SLC11A2: variants seen among roughly 807,000 people sequenced by gnomAD.
SLC11A2 encodes the protein natural resistance-associated macrophage protein 2.
Under a neutral mutation model 68.0 loss-of-function variants are expected in SLC11A2, and 38 were observed. The ratio of observed to expected loss-of-function variants is 0.56; its 90% CI spans 0.43 to 0.73. SLC11A2 has a LOEUF of 0.73. SLC11A2 is among the 30% of genes least tolerant of loss of function. The pLI, the probability that SLC11A2 is intolerant of heterozygous loss-of-function variation, is 0.00. For synonymous variants in SLC11A2, 242 were observed against 250.6 expected, an observed-to-expected ratio of 0.97 and a Z score of 0.32; for missense variants, 517 against 690.5, an observed-to-expected ratio of 0.75 and a Z score of 2.82.
chr12:50,980,895 T>G (rs1939984913), downstream of SLC11A2: 1 of 152,226 alleles, frequency 6.6e-6, no homozygotes, highest in East Asian at 1.9e-4. Flanking sequence ...CCTCTTTTTT[T>G]GCCTAAAACT....
chr12:50,972,604 G>A, the SLC11A2 span, among the ~76,000 whole-genome samples: 1 of 152,202 alleles, frequency 6.6e-6, no homozygotes, highest in Non-Finnish European at 1.5e-5. Context: ...TCCAACTGAG[G>A]TACCGGGTTC....
chr12:51,001,043 T>TA lies in SLC11A2; in HGVS notation c.430-625dup, dbSNP rs1183747010. On this transcript the variant is annotated intron_variant, in intron 5 of 15. Coordinates refer to ENST00000262052, the MANE Select transcript of SLC11A2 (RefSeq NM_000617.3). Reference sequence around the variant, plus strand: ...AGCTGGGCATGGTGGCACATGCCTGTAATCCCAGCTACTCAGGGGGCTGAG... The same window carrying TA: ...AGCTGGGCATGGTGGCACATGCCTGTAAATCCCAGCTACTCAGGGGGCTGAG... Among the ~76,000 whole-genome samples, 8 of 151,672 alleles carry TA rather than the reference T, an allele frequency of 5.3e-5. No homozygotes were observed. In the East Asian group the frequency reaches 1.6e-3, roughly 30 times the overall value.
At position 51,005,324 on chromosome 12, in the gene SLC11A2, A is replaced by G; in HGVS notation, c.296T>C (p.Val99Ala). ...CTAGATGTTCACCTTAAATCCAGCCACTGCTCCAGACTGCAAATCGGATTC... is the reference window on the plus strand; with the variant it reads ...CTAGATGTTCACCTTAAATCCAGCCGCTGCTCCAGACTGCAAATCGGATTC... ...NIESDLQSGA[V>A]AGFKLLWILL... Residue 99 changes from valine (V) to alanine (A), a missense_variant, in exon 4 of 16, where the codon GTG (valine) becomes GCG (alanine). Coordinates refer to ENST00000262052, the MANE Select transcript of SLC11A2 (RefSeq NM_000617.3). 3 of 1,613,990 alleles carry G rather than the reference A, an allele frequency of 1.9e-6. No individual in the cohort carries two copies. The highest frequency in any genetic ancestry group is 2.5e-6 in the Non-Finnish European group (3 of 1,179,892).
At chr12:51,018,524 G>A (rs929675950) in intron 1 of SLC11A2, among the ~76,000 whole-genome samples, 2 of 151,524 alleles carry the variant, frequency 1.3e-5, no homozygotes, top group Admixed American at 6.6e-5. Context: ...GCCGAGTGCG[G>A]TGGCTCAAGC....
chr12:50,966,442 C>T, the SLC11A2 span, among the ~76,000 whole-genome samples: 1 of 152,174 alleles, frequency 6.6e-6, no homozygotes, highest in East Asian at 1.9e-4. Flanking sequence ...AGGATTGTCC[C>T]ATGCATTGCA....
rs143270098 is a variant in SLC11A2, at chr12:50,991,095, G to C, written c.1422-147C>G. ...AAAAAATGATTCTTCATAAGTCTAA[G>C]TTAAATCACCCAAAGTTAGATACTG... On this transcript the variant is annotated intron_variant, in intron 14 of 15. Coordinates refer to ENST00000262052, the MANE Select transcript of SLC11A2 (RefSeq NM_000617.3). 579 of 777,270 alleles carry C rather than the reference G, an allele frequency of 7.4e-4. 7 individuals carry two copies. The East Asian group carries it at 0.015, about 21-fold the overall frequency. 48.1% of individuals were successfully genotyped at this position (777,270 alleles called of 1,614,324 possible). A position where few individuals can be genotyped will look rare whatever the true frequency, so the allele number is the denominator to read the frequency against.
upstream of SLC11A2, chr12:51,028,544 G>A (rs570448204): frequency 1.1e-5 from 3 of 272,272 alleles, no homozygotes; most frequent in East Asian, 6.7e-5. Context: ...TGGCAAGCCT[G>A]TGAGTGCCAG....
downstream of SLC11A2, among the ~76,000 whole-genome samples, chr12:50,982,524 G>A (rs904472215): frequency 2.6e-5 from 4 of 152,222 alleles, no homozygotes; most frequent in Admixed American, 1.3e-4. Context: ...CTAATCGGGA[G>A]GCTGAGGCAG....
At chr12:50,965,779 AG>A in the SLC11A2 span, among the ~76,000 whole-genome samples, 2 of 152,234 alleles carry the variant, frequency 1.3e-5, no homozygotes, top group Non-Finnish European at 2.9e-5. Context: ...CTGGTAAATG[AG>A]CACAGGTCCC....
chr12:50,958,545 T>A, the SLC11A2 span, among the ~76,000 whole-genome samples: 6 of 151,782 alleles, frequency 4.0e-5, no homozygotes, highest in Non-Finnish European at 5.9e-5. Flanking sequence ...CCTCCCAAAG[T>A]GCTGGGATTA....
chr12:50,962,789 A>G, the SLC11A2 span, among the ~76,000 whole-genome samples: 1 of 152,176 alleles, frequency 6.6e-6, no homozygotes, highest in Non-Finnish European at 1.5e-5. Flanking sequence ...GGCTTCTTTA[A>G]GGATGTAAAC....
chr12:50,994,181 C>T (rs1478133103), intron 11 of SLC11A2, among the ~76,000 whole-genome samples: 1 of 151,842 alleles, frequency 6.6e-6, no homozygotes, highest in South Asian at 2.1e-4. Context: ...GCTGAGATTA[C>T]AGGTGCCCAC....
At chr12:51,008,707 T>C (rs1271739279) in intron 2 of SLC11A2, 83 bp from the exon 3 acceptor site, 11 of 1,096,102 alleles carry the variant, frequency 1.0e-5, no homozygotes, top group East Asian at 7.6e-5. Context: ...TGAAATTAAA[T>C]AGTTTAATAT....
At chr12:50,984,209 C>T (rs1051767102), downstream of SLC11A2, among the ~76,000 whole-genome samples, 2 of 151,974 alleles carry the variant, frequency 1.3e-5, no homozygotes, top group Admixed American at 6.6e-5. Context: ...TAACACATTA[C>T]AAACTGCAGT....
At chr12:50,995,852 G>T (rs1005215379) in intron 9 of SLC11A2, 65 bp from the exon 10 acceptor site, 137 of 1,512,526 alleles carry the variant, frequency 9.1e-5, no homozygotes, top group Admixed American at 2.0e-4. Context: ...TGACATTTCA[G>T]GAGTTTGGAG....
chr12:50,954,855 TA>T, the SLC11A2 span, among the ~76,000 whole-genome samples: 1 of 152,142 alleles, frequency 6.6e-6, no homozygotes, highest in African/African-American at 2.4e-5. Flanking sequence ...AAGCTCTGAG[TA>T]AAAGCCTGGA....
At chr12:50,995,852 G>A in intron 9 of SLC11A2, 65 bp from the exon 10 acceptor site, 1 of 1,512,644 alleles carries the variant, frequency 6.6e-7, no homozygotes, top group Non-Finnish European at 9.2e-7. Flanking sequence ...TGACATTTCA[G>A]GAGTTTGGAG....
rs1173448058 is a variant in SLC11A2, at chr12:50,986,743, T to G, written c.*1582A>C. 7.8e-7 allele frequency: 1 copy of G among 1,287,132 alleles called. No individual in the cohort carries two copies. The allele number at this position is 1,287,132 out of a possible 1,614,324, so 79.7% of individuals were successfully genotyped here. On this transcript the variant is annotated 3_prime_UTR_variant, in exon 16 of 16. Coordinates refer to ENST00000262052, the MANE Select transcript of SLC11A2 (RefSeq NM_000617.3). ...GGTTAGGGGAATTGTCATTCATAACTCTGTGCTATATTACTTGAGGGGCTA... is the reference window on the plus strand; with the variant it reads ...GGTTAGGGGAATTGTCATTCATAACGCTGTGCTATATTACTTGAGGGGCTA...
At chr12:50,965,256 C>A in the SLC11A2 span, among the ~76,000 whole-genome samples, 1 of 151,296 alleles carries the variant, frequency 6.6e-6, no homozygotes, top group African/African-American at 2.4e-5. Flanking sequence ...TGGGACTACA[C>A]GTGTGCACCA....
Sources: allele counts gnomAD v4.1 joint callset (sites outside exome capture counted in the v4.1 genomes callset), GRCh38; gene constraint gnomAD v4.1.1; transcripts MANE v1.5; gene names NCBI Gene and HGNC (gene_info 2026-07-23, HGNC 2026-07-21).